The following UBE2G1 variants were observed in gnomAD, a reference collection of about 807,000 sequenced individuals.
The protein encoded by UBE2G1 is ubiquitin-conjugating enzyme E2 G1.
UBE2G1 carries 5 observed loss-of-function variants against 22.7 expected under a neutral mutation model. The ratio of observed to expected loss-of-function variants is 0.22; its 90% CI spans 0.12 to 0.46. The LOEUF (loss-of-function observed/expected upper bound fraction) is 0.46, where lower values mean the gene tolerates loss of function less well. UBE2G1 is among the 20% of genes least tolerant of loss of function. The pLI, the probability that UBE2G1 is intolerant of heterozygous loss-of-function variation, is 0.99. For synonymous variants in UBE2G1, 74 were observed against 67.5 expected, an observed-to-expected ratio of 1.10 and a Z score of -0.47; for missense variants, 88 against 203.9, an observed-to-expected ratio of 0.43 and a Z score of 3.46.
In UBE2G1 at chr17:4,349,525, C is replaced by T. The variant is rs534422805; in HGVS notation, c.46+16746G>A. On this transcript the variant is annotated intron_variant, in intron 1 of 5. Transcript: ENST00000396981. ...AGGCATTGTTTTTAAAAAAAAAACA[C>T]GTCACATAGTTGTCTAAAAATAAAA... 2.6e-5 allele frequency among the ~76,000 whole-genome samples: 4 copies of T among 151,554 alleles called. No homozygotes were observed. The Middle Eastern group carries it at 0.01, about 389-fold the overall frequency.
At chr17:4,274,500 T>C (rs1968799368) in intron 5 of UBE2G1, among the ~76,000 whole-genome samples, 1 of 151,664 alleles carries the variant, frequency 6.6e-6, no homozygotes, top group Non-Finnish European at 1.5e-5. Flanking sequence ...CCTGGCCAAA[T>C]TGATCTATCT....
At chr17:4,274,270 T>A (rs904628679) in intron 5 of UBE2G1, among the ~76,000 whole-genome samples, 1 of 147,602 alleles carries the variant, frequency 6.8e-6, no homozygotes, top group African/African-American at 2.5e-5. Context: ...CGATCTCGGC[T>A]CACTGCAAGC....
At chr17:4,356,301 T>C (rs934120451) in intron 1 of UBE2G1, among the ~76,000 whole-genome samples, 3 of 151,672 alleles carry the variant, frequency 2.0e-5, no homozygotes, top group Admixed American at 1.3e-4. Flanking sequence ...GAGGTTGCAG[T>C]GAGCCGAGAT....
intron 1 of UBE2G1, among the ~76,000 whole-genome samples, chr17:4,307,513 CAG>C (rs1399365150): frequency 2.0e-5 from 3 of 152,224 alleles, no homozygotes; most frequent in African/African-American, 7.2e-5. Flanking sequence ...GGTATACTTT[CAG>C]AGTGTCTAAT....
In UBE2G1 at chr17:4,333,266, A is replaced by C. The variant is rs145454084; in HGVS notation, c.47-26143T>G. Among the ~76,000 whole-genome samples, 296 of 152,266 alleles carry C rather than the reference A, an allele frequency of 1.9e-3. 1 individual carries two copies. Among genetic ancestry groups the C allele is most frequent in the African/African-American group, 6.6e-3 (275 of 41,544 alleles). ...CTAAATGTGCAAGTCTACTGAAATG[A>C]CCTTCGTTCACATCAAAAGTAATGT... On this transcript the variant is annotated intron_variant, in intron 1 of 5. Coordinates refer to ENST00000396981, the MANE Select transcript of UBE2G1 (RefSeq NM_003342.5).
rs1461712149 is a variant in UBE2G1, at chr17:4,312,368, G to A, written c.47-5245C>T. On this transcript the variant is annotated intron_variant, in intron 1 of 5. Transcript: ENST00000396981. Reference sequence around the variant, plus strand: ...AATATAAACTGCAGGGGATGTAACCGAATGAATTCTAGAAAATATTAACAA... The same window carrying A: ...AATATAAACTGCAGGGGATGTAACCAAATGAATTCTAGAAAATATTAACAA... Among the ~76,000 whole-genome samples, 4 of 152,098 alleles carry A rather than the reference G, an allele frequency of 2.6e-5. No individual in the cohort carries two copies. The South Asian group carries it at 6.2e-4, about 24-fold the overall frequency.
intron 1 of UBE2G1, among the ~76,000 whole-genome samples, chr17:4,338,905 T>G (rs1249071659): frequency 6.6e-6 from 1 of 152,160 alleles, no homozygotes; most frequent in Admixed American, 6.6e-5. Flanking sequence ...TAACGACCTG[T>G]ACAATGACGG....
intron 3 of UBE2G1, among the ~76,000 whole-genome samples, chr17:4,289,737 G>A (rs1969011451): frequency 6.6e-6 from 1 of 152,062 alleles, no homozygotes; most frequent in Admixed American, 6.5e-5. Flanking sequence ...AGCAACTATT[G>A]GATGTGTTCT....
chr17:4,337,017 TA>T (rs1969655677), intron 1 of UBE2G1, among the ~76,000 whole-genome samples: 1 of 152,174 alleles, frequency 6.6e-6, no homozygotes, highest in Non-Finnish European at 1.5e-5. Context: ...CTACTCCCCT[TA>T]ATGCAGTAGA....
intron 5 of UBE2G1, among the ~76,000 whole-genome samples, chr17:4,278,255 C>T (rs1183342342): frequency 1.3e-5 from 2 of 152,152 alleles, no homozygotes; most frequent in African/African-American, 4.8e-5. Context: ...TGTGTAATGG[C>T]AATGACATTT....
chr17:4,289,664 T>C (rs932887117), intron 3 of UBE2G1, among the ~76,000 whole-genome samples: 2 of 152,228 alleles, frequency 1.3e-5, no homozygotes, highest in South Asian at 4.1e-4. Context: ...CATGAAGATA[T>C]CTAGCACGTA....
intron 1 of UBE2G1, among the ~76,000 whole-genome samples, chr17:4,310,084 C>G (rs1026255080): frequency 6.6e-6 from 1 of 152,184 alleles, no homozygotes. Context: ...GGTCTAGATG[C>G]ATGAATATTT....
intron 5 of UBE2G1, among the ~76,000 whole-genome samples, chr17:4,281,106 T>C (rs1414230858): frequency 6.6e-6 from 1 of 152,148 alleles, no homozygotes; most frequent in African/African-American, 2.4e-5. Context: ...GAAACAAGGA[T>C]AGCCACCCTC....
intron 2 of UBE2G1, among the ~76,000 whole-genome samples, chr17:4,299,789 G>C (rs1418930053): frequency 6.6e-6 from 1 of 150,732 alleles, no homozygotes; most frequent in Non-Finnish European, 1.5e-5. Context: ...TTTACCTGTG[G>C]AAATTCTACC....
intron 5 of UBE2G1, among the ~76,000 whole-genome samples, chr17:4,273,509 T>G (rs1968784285): frequency 6.6e-6 from 1 of 151,802 alleles, no homozygotes; most frequent in Non-Finnish European, 1.5e-5. Flanking sequence ...CCCAGATAAT[T>G]TTTAATTTTT....
At chr17:4,359,851 C>CAA (rs35941094) in intron 1 of UBE2G1, among the ~76,000 whole-genome samples, 50 of 107,482 alleles carry the variant, frequency 4.7e-4, no homozygotes, top group Admixed American at 1.5e-3. Context: ...GGCTCCATCT[C>CAA]AAAAAAAAAA....
At chr17:4,348,764 G>A (rs1344186016) in intron 1 of UBE2G1, among the ~76,000 whole-genome samples, 3 of 151,224 alleles carry the variant, frequency 2.0e-5, no homozygotes, top group Non-Finnish European at 2.9e-5. Flanking sequence ...AGGAGGCTGA[G>A]GCACAAGAAT....
chr17:4,294,516 C>A (rs1307196012), intron 3 of UBE2G1, among the ~76,000 whole-genome samples: 3 of 152,110 alleles, frequency 2.0e-5, no homozygotes, highest in Non-Finnish European at 4.4e-5. Context: ...ATTTTATCAG[C>A]TGTCCTCTTA....
At chr17:4,366,243 C>T in intron 1 of UBE2G1, 28 bp downstream of exon 1, 1 of 1,524,968 alleles carries the variant, frequency 6.6e-7, no homozygotes, top group Non-Finnish European at 8.7e-7. Context: ...CGCGGCCGGG[C>T]CCGGCGCCCC....
Sources: gnomAD v4.1 joint callset for allele counts (sites outside exome capture counted in the v4.1 genomes callset) on GRCh38, gnomAD v4.1.1 for gene constraint, MANE v1.5 for transcripts, NCBI Gene and HGNC (gene_info 2026-07-23, HGNC 2026-07-21) for gene names.